The following PALM2AKAP2 variants were observed in gnomAD, a reference collection of about 807,000 sequenced individuals.
The protein encoded by PALM2AKAP2 is PALM2 and AKAP2 fusion.
PALM2AKAP2 carries 37 observed loss-of-function variants against 71.5 expected under a neutral mutation model. The observed-to-expected ratio is 0.52, with a 90% CI of 0.40 to 0.68. The LOEUF (loss-of-function observed/expected upper bound fraction) is 0.68, where lower values mean the gene tolerates loss of function less well. Among genes scored for constraint, PALM2AKAP2 ranks in the 30% least tolerant of loss-of-function variants. The pLI is 0.00. For synonymous variants in PALM2AKAP2, 468 were observed against 478.8 expected, an observed-to-expected ratio of 0.98 and a Z score of 0.29; for missense variants, 1,224 against 1,191.8, an observed-to-expected ratio of 1.03 and a Z score of -0.40.
intron 1 of PALM2AKAP2, among the ~76,000 whole-genome samples, chr9:109,657,992 T>A (rs1020655781): frequency 6.7e-6 from 1 of 150,170 alleles, no homozygotes; most frequent in African/African-American, 2.5e-5. Context: ...GTATGTATAT[T>A]GTGGCAAAAA....
At chr9:109,685,115 C>A (rs1827790334) in intron 1 of PALM2AKAP2, among the ~76,000 whole-genome samples, 1 of 152,008 alleles carries the variant, frequency 6.6e-6, no homozygotes, top group Admixed American at 6.6e-5. Context: ...TGATAAAAAG[C>A]AGATTAGTGA....
intron 3 of PALM2AKAP2, among the ~76,000 whole-genome samples, chr9:109,896,133 C>T (rs543581896): frequency 7.3e-5 from 11 of 151,370 alleles, no homozygotes; most frequent in Non-Finnish European, 1.3e-4. Context: ...TGCAGTGAGC[C>T]GAGATCACAC....
chr9:109,959,973 C>A (rs893439343), intron 6 of PALM2AKAP2, among the ~76,000 whole-genome samples: 2 of 152,214 alleles, frequency 1.3e-5, no homozygotes, highest in African/African-American at 4.8e-5. Context: ...TGTTCTCTTT[C>A]TCCAGAATTA....
At position 110,119,827 on chromosome 9, in the gene PALM2AKAP2, G is replaced by A. The variant is rs74734468; in HGVS notation, c.157-16300G>A. Among the ~76,000 whole-genome samples, 1,079 of 152,218 alleles carry A rather than the reference G, an allele frequency of 7.1e-3. 9 individuals are homozygous for A. Among genetic ancestry groups the A allele is most frequent in the African/African-American group, 0.025 (1,028 of 41,516 alleles). ...AACACCATCAAGCCATTATAATAAC[G>A]TGAGTTGTGAATATTTTCCTAGTTT... On this transcript the variant is annotated intron_variant, in intron 1 of 3. Coordinates refer to ENST00000374525, the Ensembl canonical transcript of PALM2AKAP2.
chr9:110,089,345 A>G, intron 1 of PALM2AKAP2, among the ~76,000 whole-genome samples: 1 of 152,250 alleles, frequency 6.6e-6, no homozygotes, highest in East Asian at 1.9e-4. Flanking sequence ...GAGATAATAT[A>G]AAGCAGGTAA....
chr9:109,949,397 G>A (rs551155027), intron 6 of PALM2AKAP2, among the ~76,000 whole-genome samples: 225 of 152,340 alleles, frequency 1.5e-3, no homozygotes, highest in African/African-American at 4.9e-3. Flanking sequence ...GTGCCCATTC[G>A]TTATAGTCGA....
chr9:109,996,538 A>G lies in PALM2AKAP2; in HGVS notation c.497-19416A>G, dbSNP rs373901806. Reference sequence around the variant, plus strand: ...TAAAACTCATTTTAAACAATGTACCATGATCCTTTTTTGCTCTCATTTTGT... The same window carrying G: ...TAAAACTCATTTTAAACAATGTACCGTGATCCTTTTTTGCTCTCATTTTGT... On this transcript the variant is annotated intron_variant, in intron 6 of 9. Transcript: ENST00000302798. Among the ~76,000 whole-genome samples, 33 of 152,344 alleles carry G rather than the reference A, an allele frequency of 2.2e-4. No homozygotes were observed. The East Asian group carries it at 2.5e-3, about 12-fold the overall frequency.
rs182921091 is a variant in PALM2AKAP2 at position 110,058,987 on chromosome 9, C to G, written c.156+10132C>G. On this transcript the variant is annotated intron_variant, in intron 1 of 3. Transcript: ENST00000374525. ...CAATCTCGGCTCACTGCAACCTCCG[C>G]CCCCTGGGTTCAAGCGATTCTGCTG... Among the ~76,000 whole-genome samples the G allele has an allele frequency of 2.5e-4, 37 of 150,754 alleles. No homozygotes were observed. The East Asian group carries it at 6.8e-3, about 28-fold the overall frequency.
At chr9:109,757,288 G>C (rs1232140043) in intron 1 of PALM2AKAP2, among the ~76,000 whole-genome samples, 1 of 152,094 alleles carries the variant, frequency 6.6e-6, no homozygotes, top group Non-Finnish European at 1.5e-5. Context: ...TGCTTCAAGA[G>C]AACATTTAGT....
intron 1 of PALM2AKAP2, among the ~76,000 whole-genome samples, chr9:109,781,080 G>C (rs1223758613): frequency 1.3e-5 from 2 of 152,162 alleles, no homozygotes; most frequent in Non-Finnish European, 2.9e-5. Flanking sequence ...GGAGGTCTGG[G>C]GACTTCATAC....
chr9:109,841,267 C>G (rs1828659653), intron 1 of PALM2AKAP2, among the ~76,000 whole-genome samples: 1 of 138,778 alleles, frequency 7.2e-6, no homozygotes, highest in Non-Finnish European at 1.5e-5. Context: ...ATCGCAGGGA[C>G]AAAAAACCAA....
At chr9:109,965,201 G>A (rs1930255) in intron 6 of PALM2AKAP2, among the ~76,000 whole-genome samples, 4 of 152,072 alleles carry the variant, frequency 2.6e-5, no homozygotes, top group African/African-American at 7.2e-5. Flanking sequence ...TAATCCCTAC[G>A]ATAGATTTGT....
intron 1 of PALM2AKAP2, among the ~76,000 whole-genome samples, chr9:110,067,119 T>C (rs563428970): frequency 4.6e-5 from 7 of 152,270 alleles, no homozygotes; most frequent in Non-Finnish European, 7.4e-5. Context: ...TTTATCGAAC[T>C]GAGGAGGGAG....
At chr9:109,868,427 C>T (rs1829516598) in intron 2 of PALM2AKAP2, among the ~76,000 whole-genome samples, 1 of 152,202 alleles carries the variant, frequency 6.6e-6, no homozygotes, top group Admixed American at 6.5e-5. Context: ...AAACCTTCTC[C>T]TGCTTACCTC....
At chr9:110,071,761 C>A (rs1404180050) in intron 1 of PALM2AKAP2, among the ~76,000 whole-genome samples, 1 of 152,072 alleles carries the variant, frequency 6.6e-6, no homozygotes, top group African/African-American at 2.4e-5. Flanking sequence ...TATAAAATTC[C>A]CTTAGACTTA....
intron 1 of PALM2AKAP2, among the ~76,000 whole-genome samples, chr9:109,670,059 A>C (rs575576282): frequency 6.6e-6 from 1 of 152,104 alleles, no homozygotes; most frequent in Non-Finnish European, 1.5e-5. Context: ...CATTAGATGC[A>C]TGCCACAAAT....
chr9:109,757,949 C>T (rs1327068967), intron 1 of PALM2AKAP2, among the ~76,000 whole-genome samples: 1 of 151,750 alleles, frequency 6.6e-6, no homozygotes, highest in East Asian at 1.9e-4. Context: ...AAATTTATAT[C>T]CACAAAAACT....
chr9:109,904,466 A>G (rs375388769), intron 3 of PALM2AKAP2, among the ~76,000 whole-genome samples: 1 of 152,220 alleles, frequency 6.6e-6, no homozygotes, highest in Non-Finnish European at 1.5e-5. Flanking sequence ...ATTCATTCAC[A>G]TGAAAACATT....
At chr9:109,914,008 G>A (rs911152070) in intron 3 of PALM2AKAP2, among the ~76,000 whole-genome samples, 2 of 151,968 alleles carry the variant, frequency 1.3e-5, no homozygotes, top group Admixed American at 6.6e-5. Flanking sequence ...CACCCACCTC[G>A]GCCTCCCAAA....
Sources: allele counts gnomAD v4.1 joint callset (sites outside exome capture counted in the v4.1 genomes callset), GRCh38; gene constraint gnomAD v4.1.1; transcripts MANE v1.5; gene names NCBI Gene and HGNC (gene_info 2026-07-23, HGNC 2026-07-21).